NRXN1: variants seen among roughly 807,000 people sequenced by gnomAD.
NRXN1 encodes the protein neurexin 1.
Under a neutral mutation model 150.9 loss-of-function variants are expected in NRXN1, and 39 were observed. The ratio of observed to expected loss-of-function variants is 0.26; its 90% CI spans 0.20 to 0.34. The LOEUF (loss-of-function observed/expected upper bound fraction) is 0.34. Ranked by LOEUF, NRXN1 falls within the 10% of genes least tolerant of loss-of-function variation. The pLI is 1.00. For missense variants in NRXN1, 1,815 were observed against 1,949.9 expected, an observed-to-expected ratio of 0.93 and a Z score of 1.30; for synonymous variants, 924 against 757.0, an observed-to-expected ratio of 1.22 and a Z score of -3.62.
chr2:50,077,502 C>T (rs1281145999), intron 19 of NRXN1, among the ~76,000 whole-genome samples: 1 of 152,124 alleles, frequency 6.6e-6, no homozygotes, highest in Non-Finnish European at 1.5e-5. Context: ...TTGCTTGTTT[C>T]GCCTCTAACC....
chr2:50,206,243 AC>A (rs59490916), intron 18 of NRXN1, among the ~76,000 whole-genome samples: 58,335 of 150,784 alleles, frequency 0.39, 11,601 homozygotes, highest in Middle Eastern at 0.43. Flanking sequence ...ACACACACAC[AC>A]ACACACACAC....
chr2:50,045,699 T>A (rs1573587797), intron 21 of NRXN1, among the ~76,000 whole-genome samples: 1 of 152,206 alleles, frequency 6.6e-6, no homozygotes, highest in South Asian at 2.1e-4. Flanking sequence ...TCTTGCTACT[T>A]AGACAAGAAC....
At chr2:50,006,131 G>C (rs1289258503) in intron 21 of NRXN1, among the ~76,000 whole-genome samples, 1 of 151,944 alleles carries the variant, frequency 6.6e-6, no homozygotes, top group African/African-American at 2.4e-5. Flanking sequence ...TTTCTCTTTG[G>C]TATCTCTTCT....
rs10191402 is a variant in NRXN1 at position 50,567,356 on chromosome 2, G to A, written c.1321-14331C>T. Among the ~76,000 whole-genome samples, 597 of 152,162 alleles carry A rather than the reference G, an allele frequency of 3.9e-3. 2 individuals are homozygous for A. The highest frequency in any genetic ancestry group is 0.014 in the African/African-American group (585 of 41,520). On this transcript the variant is annotated intron_variant, in intron 8 of 22. Transcript: ENST00000401669. ...GAGAAGAGAGATGTACTAACCACAC[G>A]TAGACTGGGACCATTTTTTTCATTG... is the stretch of plus-strand genomic sequence containing the variant.
chr2:50,105,878 C>G (rs1236263348), intron 18 of NRXN1, among the ~76,000 whole-genome samples: 1 of 151,678 alleles, frequency 6.6e-6, no homozygotes, highest in Non-Finnish European at 1.5e-5. Flanking sequence ...TTAGAAGAAC[C>G]ATATAAACCA....
intron 17 of NRXN1, among the ~76,000 whole-genome samples, chr2:50,358,282 G>C (rs947812753): frequency 6.6e-6 from 1 of 152,198 alleles, no homozygotes; most frequent in Non-Finnish European, 1.5e-5. Flanking sequence ...AAGTGGTCTT[G>C]CTCAGCGAAT....
At chr2:50,049,641 C>G (rs1468414562) in intron 21 of NRXN1, among the ~76,000 whole-genome samples, 3 of 152,126 alleles carry the variant, frequency 2.0e-5, no homozygotes, top group Non-Finnish European at 4.4e-5. Flanking sequence ...AACGATGTCA[C>G]AAGCTTGATC....
chr2:50,530,576 C>A (rs2093072600), intron 11 of NRXN1, among the ~76,000 whole-genome samples: 1 of 152,220 alleles, frequency 6.6e-6, no homozygotes, highest in Admixed American at 6.5e-5. Flanking sequence ...CTTAATGCTA[C>A]AATTAAGCAG....
At chr2:50,235,097 T>G (rs2065293651) in intron 18 of NRXN1, among the ~76,000 whole-genome samples, 1 of 152,088 alleles carries the variant, frequency 6.6e-6, no homozygotes, top group Non-Finnish European at 1.5e-5. Flanking sequence ...AAAGTGTAAT[T>G]GGTTATGGAT....
rs1038726570 is a variant in NRXN1, at chr2:50,441,286, T to C, written c.3364+24156A>G. Among the ~76,000 whole-genome samples, 9 of 152,282 alleles carry C rather than the reference T, an allele frequency of 5.9e-5. No homozygotes were observed. In the East Asian group the frequency reaches 1.4e-3, roughly 23 times the overall value. On this transcript the variant is annotated intron_variant, in intron 17 of 22. Coordinates refer to ENST00000401669, the MANE Select transcript of NRXN1 (RefSeq NM_001330078.2). ...ATATAATTACCTATTTCATGGTAAA[T>C]GGATTATTAGTTCTTTTTTACTTCT...
chr2:50,116,658 C>T (rs1703112332), intron 18 of NRXN1, among the ~76,000 whole-genome samples: 1 of 151,906 alleles, frequency 6.6e-6, no homozygotes. Flanking sequence ...TCTACCTCTT[C>T]CCCACATCTC....
intron 17 of NRXN1, among the ~76,000 whole-genome samples, chr2:50,443,965 T>C (rs2086185547): frequency 6.6e-6 from 1 of 152,188 alleles, no homozygotes; most frequent in African/African-American, 2.4e-5. Context: ...AAAGGAAGAA[T>C]TAAACATAAA....
chr2:50,245,768 A>G (rs2066440044), intron 17 of NRXN1, among the ~76,000 whole-genome samples: 1 of 151,884 alleles, frequency 6.6e-6, no homozygotes, highest in Admixed American at 6.6e-5. Context: ...AAAAAATGAC[A>G]TAAACATAGA....
chr2:50,707,933 G>A (rs569513278), intron 5 of NRXN1, among the ~76,000 whole-genome samples: 6 of 152,232 alleles, frequency 3.9e-5, no homozygotes, highest in African/African-American at 1.4e-4. Flanking sequence ...AACCAACAAT[G>A]TTAGAGTTGT....
intron 17 of NRXN1, among the ~76,000 whole-genome samples, chr2:50,407,666 G>C (rs942395762): frequency 6.6e-6 from 1 of 151,968 alleles, no homozygotes; most frequent in Non-Finnish European, 1.5e-5. Flanking sequence ...AAGAGGAAGA[G>C]AGACCTGAGC....
chr2:50,042,728 C>CA (rs890399243), intron 21 of NRXN1, among the ~76,000 whole-genome samples: 54 of 145,986 alleles, frequency 3.7e-4, no homozygotes, highest in East Asian at 2.8e-3. Flanking sequence ...AGATGCTTGT[C>CA]AAAAAAAAAA....
At chr2:51,005,400 A>C (rs759456273) in intron 2 of NRXN1, among the ~76,000 whole-genome samples, 15 of 152,006 alleles carry the variant, frequency 9.9e-5, no homozygotes, top group Non-Finnish European at 2.1e-4. Context: ...CATCAGTTCA[A>C]ACCTTATCAT....
chr2:50,302,399 G>A (rs755999368), intron 17 of NRXN1, among the ~76,000 whole-genome samples: 6 of 152,046 alleles, frequency 3.9e-5, no homozygotes, highest in African/African-American at 9.7e-5. Flanking sequence ...TACATAATGG[G>A]AGCAAATGAC....
chr2:50,833,676 G>A (rs1356111177), intron 5 of NRXN1, among the ~76,000 whole-genome samples: 2 of 152,178 alleles, frequency 1.3e-5, no homozygotes, highest in African/African-American at 4.8e-5. Flanking sequence ...AGGACAGCAA[G>A]AGGAAGTATT....
Sources: allele counts gnomAD v4.1 joint callset (sites outside exome capture counted in the v4.1 genomes callset), GRCh38; gene constraint gnomAD v4.1.1; transcripts MANE v1.5; gene names NCBI Gene and HGNC (gene_info 2026-07-23, HGNC 2026-07-21).